Variants in COL3A1 observed in about 807,000 individuals in gnomAD.
COL3A1 encodes collagen alpha-1(III) chain.
A neutral mutation model predicts 200.9 loss-of-function variants in COL3A1; 46 were observed. The observed-to-expected ratio is 0.23, with a 90% CI of 0.18 to 0.29. The LOEUF (loss-of-function observed/expected upper bound fraction) is 0.29, where lower values mean the gene tolerates loss of function less well. Among genes scored for constraint, COL3A1 ranks in the 10% least tolerant of loss-of-function variants. The pLI is 1.00. For missense variants in COL3A1, 1,367 were observed against 1,917.6 expected, an observed-to-expected ratio of 0.71 and a Z score of 5.36; for synonymous variants, 650 against 628.0, an observed-to-expected ratio of 1.03 and a Z score of -0.52.
At chr2:188,993,033 T>TTG in intron 15 of COL3A1, 93 bp downstream of exon 15, 1 of 1,145,192 alleles carries the variant, frequency 8.7e-7, no homozygotes, top group Non-Finnish European at 1.3e-6. Context: ...TTTTAATCAG[T>TTG]CAAATGGATA....
chr2:188,993,053 T>C, intron 15 of COL3A1, 113 bp downstream of exon 15: 1 of 954,786 alleles, frequency 1.0e-6, no homozygotes, highest in Admixed American at 1.8e-5. Context: ...AGCTTTTATC[T>C]ATACATGTCT....
At position 189,007,096 on chromosome 2, in the gene COL3A1, AATATATATATATATATAT is replaced by A. The variant is rs36195651; in HGVS notation, c.3255+133_3255+150del. 350 of 229,882 alleles carry A rather than the reference AATATATATATATATATAT, an allele frequency of 1.5e-3. 17 individuals are homozygous for A. Among genetic ancestry groups the A allele is most frequent in the African/African-American group, 5.4e-3 (149 of 27,826 alleles). The allele number at this position is 229,882 out of a possible 1,614,324, so 14.2% of individuals were successfully genotyped here. The stretch of plus-strand genomic sequence containing the variant: ...CCAGCGTGTTCAGGAAAAAAGAATG[AATATATATATATATATAT>A]ATATATATATATATATATATATATA... On this transcript the variant is annotated intron_variant, in intron 44 of 50. Transcript: ENST00000304636.
chr2:188,987,671 T>A (rs1688092239), intron 5 of COL3A1, among the ~76,000 whole-genome samples: 1 of 152,114 alleles, frequency 6.6e-6, no homozygotes, highest in South Asian at 2.1e-4. Flanking sequence ...TTATTTTAGA[T>A]ACTTGATTAT....
At chr2:188,986,530 A>G (rs891754230) in intron 4 of COL3A1, among the ~76,000 whole-genome samples, 1 of 152,082 alleles carries the variant, frequency 6.6e-6, no homozygotes, top group African/African-American at 2.4e-5. Flanking sequence ...TAATAAGCAT[A>G]TGAGCCTTTC....
At chr2:189,004,727 G>A (rs893353487) in intron 40 of COL3A1, among the ~76,000 whole-genome samples, 1 of 152,098 alleles carries the variant, frequency 6.6e-6, no homozygotes, top group African/African-American at 2.4e-5. Context: ...ATTAATGCTA[G>A]TTATCCATCC....
Position 188,994,453 on chromosome 2 carries a change from A to G in COL3A1, c.1294-88A>G, listed in dbSNP as rs947326120. On this transcript the variant is annotated intron_variant, in intron 18 of 50. Transcript: ENST00000304636. The surrounding 1 kb of genome is among the most constrained non-coding windows in gnomAD (Gnocchi z 4.5). The stretch of plus-strand genomic sequence containing the variant: ...TTTATATTGACTTCACTCTTGTCTT[A>G]TAACTTATAACTGAATTATGTGTTA... 3.2e-6 allele frequency: 5 copies of G among 1,568,222 alleles called. No individual in the cohort carries two copies. The African/African-American group carries it at 6.8e-5, about 21-fold the overall frequency.
rs778417073 is a variant in COL3A1 at position 189,006,235 on chromosome 2, C to A, written c.3069C>A (p.Gly1023=). 4 of 1,614,030 alleles carry A rather than the reference C, an allele frequency of 2.5e-6. No individual in the cohort carries two copies. The East Asian group carries it at 8.9e-5, about 36-fold the overall frequency. Residue 1023 remains glycine (G), a synonymous_variant, in exon 42 of 51, where the codon GGC becomes GGA. Coordinates refer to ENST00000304636, the MANE Select transcript of COL3A1 (RefSeq NM_000090.4). ...ACCCTGGATCAGATGGTCTTCCAGG[C>A]CGAGATGGATCTCCTGGTGGCAAGG... ...DGNPGSDGLP[G]RDGSPGGKGD...
At chr2:188,996,952 G>A (rs916109222) in intron 24 of COL3A1, among the ~76,000 whole-genome samples, 17 of 152,008 alleles carry the variant, frequency 1.1e-4, no homozygotes, top group Non-Finnish European at 2.2e-4. Context: ...TTGCGCCACT[G>A]CACTCCAGCC....
intron 3 of COL3A1, 142 bp downstream of exon 3, chr2:188,985,389 AATCC>A: frequency 1.3e-6 from 1 of 751,578 alleles, no homozygotes; most frequent in Non-Finnish European, 2.3e-6. Context: ...ACAGACTGAG[AATCC>A]ATAATTGTAC....
chr2:188,997,598 C>A, intron 26 of COL3A1, 102 bp from the exon 27 acceptor site: 1 of 1,286,436 alleles, frequency 7.8e-7, no homozygotes, highest in Non-Finnish European at 1.1e-6. Flanking sequence ...CTTTTCTTCA[C>A]ATCACTACTT....
intron 3 of COL3A1, among the ~76,000 whole-genome samples, 184 bp from the exon 4 acceptor site, chr2:188,985,481 A>G (rs1688047566): frequency 6.6e-6 from 1 of 151,998 alleles, no homozygotes; most frequent in African/African-American, 2.4e-5. Flanking sequence ...GTGTAGGTCA[A>G]TATACAAAGG....
chr2:188,994,465 T>A lies in COL3A1; in HGVS notation c.1294-76T>A. 1 of 1,578,164 alleles carries A rather than the reference T, an allele frequency of 6.3e-7. No homozygotes were observed. Among genetic ancestry groups the A allele is most frequent in the South Asian group, 1.1e-5 (1 of 90,180 alleles). On this transcript the variant is annotated intron_variant, in intron 18 of 50. Coordinates refer to ENST00000304636, the MANE Select transcript of COL3A1 (RefSeq NM_000090.4). The surrounding 1 kb of genome is among the most constrained non-coding windows in gnomAD (Gnocchi z 4.5). ...TCACTCTTGTCTTATAACTTATAAC[T>A]GAATTATGTGTTACTGGTGATGATT...
chr2:188,991,408 C>A, intron 11 of COL3A1, 79 bp from the exon 12 acceptor site: 1 of 928,908 alleles, frequency 1.1e-6, no homozygotes, highest in Non-Finnish European at 1.6e-6. Flanking sequence ...ATAAACTTTT[C>A]CATAATATTC....
At chr2:188,986,096 T>G (rs1238390411) in intron 4 of COL3A1, among the ~76,000 whole-genome samples, 2 of 152,008 alleles carry the variant, frequency 1.3e-5, no homozygotes, top group Non-Finnish European at 2.9e-5. Context: ...TTAACCTAAA[T>G]AATTTAGTTA....
intron 47 of COL3A1, chr2:189,008,612 T>C (rs1688648994): frequency 4.2e-6 from 2 of 477,484 alleles, no homozygotes; most frequent in Non-Finnish European, 7.5e-6. Context: ...CTCTGTCATG[T>C]CAATATTGGA....
chr2:188,991,665 G>T lies in COL3A1; in HGVS notation c.898-4G>T, dbSNP rs1366309809. 6 of 1,613,800 alleles carry T rather than the reference G, an allele frequency of 3.7e-6. No homozygotes were observed. Among genetic ancestry groups the T allele is most frequent in the Non-Finnish European group, 5.1e-6 (6 of 1,179,906 alleles). Reference sequence around the variant, plus strand: ...TAAAACCATATTTCAATTTTACTCTGTAGGGTCCAAGAGGGGCTCCTGGTG... The same window carrying T: ...TAAAACCATATTTCAATTTTACTCTTTAGGGTCCAAGAGGGGCTCCTGGTG... On this transcript the variant is annotated splice_region_variant and splice_polypyrimidine_tract_variant and intron_variant, in intron 12 of 50. Coordinates refer to ENST00000304636, the MANE Select transcript of COL3A1 (RefSeq NM_000090.4).
At chr2:188,976,678 C>G (rs1687825020) in intron 1 of COL3A1, among the ~76,000 whole-genome samples, 1 of 152,106 alleles carries the variant, frequency 6.6e-6, no homozygotes, top group Non-Finnish European at 1.5e-5. Flanking sequence ...ACACTCACTT[C>G]TAGTTCACTC....
intron 31 of COL3A1, 124 bp from the exon 32 acceptor site, chr2:188,999,718 C>T: frequency 7.3e-7 from 1 of 1,362,222 alleles, no homozygotes; most frequent in Admixed American, 2.0e-5. Flanking sequence ...AGATGGATTC[C>T]TAAAGCAACA....
In COL3A1 at chr2:189,008,012, G is replaced by A. The variant is rs566509847; in HGVS notation, c.3418-23G>A. 1.9e-5 allele frequency: 30 copies of A among 1,613,954 alleles called. No individual in the cohort carries two copies. The African/African-American group carries it at 2.1e-4, about 11-fold the overall frequency. On this transcript the variant is annotated intron_variant, in intron 46 of 50. Coordinates refer to ENST00000304636, the MANE Select transcript of COL3A1 (RefSeq NM_000090.4). ...CATTTCAGAAAGATATTCTGGCATT[G>A]TGATGTCATGATACTTTCTTAGGGA...
Sources: allele counts gnomAD v4.1 joint callset (sites outside exome capture counted in the v4.1 genomes callset), GRCh38; gene constraint gnomAD v4.1.1; non-coding constraint Gnocchi (gnomAD v3.1); transcripts MANE v1.5; gene names NCBI Gene and HGNC (gene_info 2026-07-23, HGNC 2026-07-21).